ITPR1: variants seen among roughly 807,000 people sequenced by gnomAD.
The protein encoded by ITPR1 is inositol 1,4,5-trisphosphate receptor type 1.
In ITPR1, 96 loss-of-function variants were observed where a neutral mutation model predicts 318.4. The ratio of observed to expected loss-of-function variants is 0.30; its 90% CI spans 0.26 to 0.36. The LOEUF is 0.36. Ranked by LOEUF, ITPR1 falls within the 10% of genes least tolerant of loss-of-function variation. The pLI is 1.00. For synonymous variants in ITPR1, 1,312 were observed against 1,289.9 expected (o/e 1.02, Z -0.37); for missense variants, 2,440 against 3,460.2 (o/e 0.71, Z 7.40).
chr3:4,677,012 A>G (rs2094198706), intron 24 of ITPR1, among the ~76,000 whole-genome samples: 1 of 152,138 alleles, frequency 6.6e-6, no homozygotes. Context: ...CCCTCCAGCC[A>G]TGTCAAGACT....
chr3:4,764,422 G>A (rs1230413420), intron 44 of ITPR1, among the ~76,000 whole-genome samples: 1 of 152,184 alleles, frequency 6.6e-6, no homozygotes, highest in Admixed American at 6.5e-5. Flanking sequence ...TCTATTTGCT[G>A]GGCCTCTTCT....
intron 54 of ITPR1, among the ~76,000 whole-genome samples, chr3:4,801,836 C>G (rs932518107): frequency 6.6e-6 from 1 of 151,974 alleles, no homozygotes; most frequent in Non-Finnish European, 1.5e-5. Flanking sequence ...GGCCATGAAG[C>G]GGGGATTGAG....
At chr3:4,818,940 AG>A (rs1281194366) in intron 60 of ITPR1, among the ~76,000 whole-genome samples, 1 of 152,142 alleles carries the variant, frequency 6.6e-6, no homozygotes. Flanking sequence ...TAAAATGTTC[AG>A]GGGTGGATAG....
At chr3:4,694,283 A>G (rs965512653) in intron 33 of ITPR1, among the ~76,000 whole-genome samples, 1 of 136,752 alleles carries the variant, frequency 7.3e-6, no homozygotes, top group Non-Finnish European at 1.5e-5. Flanking sequence ...AAACTGGATT[A>G]TAAAGTATAT....
At chr3:4,653,110 C>A (rs1022584390) in intron 11 of ITPR1, among the ~76,000 whole-genome samples, 4 of 152,178 alleles carry the variant, frequency 2.6e-5, no homozygotes, top group Non-Finnish European at 4.4e-5. Flanking sequence ...ACATGTCGAG[C>A]TTTACTCTGA....
chr3:4,694,194 A>T (rs1209791764), intron 33 of ITPR1, among the ~76,000 whole-genome samples: 1 of 151,746 alleles, frequency 6.6e-6, no homozygotes, highest in Non-Finnish European at 1.5e-5. Context: ...AAAAAAAAAT[A>T]ATGAATACCT....
At chr3:4,627,318 G>T (rs1216378422) in intron 4 of ITPR1, among the ~76,000 whole-genome samples, 2 of 152,114 alleles carry the variant, frequency 1.3e-5, no homozygotes, top group African/African-American at 4.8e-5. Flanking sequence ...TAAAAAATTA[G>T]CCAGGCTTGG....
At chr3:4,665,775 G>A (rs572285579) in intron 17 of ITPR1, among the ~76,000 whole-genome samples, 4 of 152,166 alleles carry the variant, frequency 2.6e-5, no homozygotes, top group African/African-American at 9.6e-5. Context: ...ATTATACATA[G>A]TATATGTGTA....
chr3:4,780,923 C>T (rs73807151), intron 49 of ITPR1, among the ~76,000 whole-genome samples: 6,414 of 152,302 alleles, frequency 0.042, 467 homozygotes, highest in African/African-American at 0.15. Context: ...CTGGCACCGG[C>T]TCTTGGGCAG....
At chr3:4,555,030 T>C (rs1448008134) in intron 4 of ITPR1, among the ~76,000 whole-genome samples, 1 of 152,148 alleles carries the variant, frequency 6.6e-6, no homozygotes, top group Non-Finnish European at 1.5e-5. Flanking sequence ...ACCCGCGGAA[T>C]GTGTTTCCAT....
chr3:4,667,626 A>G (rs1473512449), intron 18 of ITPR1, 77 bp downstream of exon 18: 3 of 1,389,396 alleles, frequency 2.2e-6, no homozygotes, highest in African/African-American at 2.9e-5. Flanking sequence ...GCTTTTTACT[A>G]CGTTTCCTTG....
intron 37 of ITPR1, among the ~76,000 whole-genome samples, chr3:4,708,048 G>C (rs1208866728): frequency 6.6e-6 from 1 of 152,160 alleles, no homozygotes; most frequent in Non-Finnish European, 1.5e-5. Flanking sequence ...GAAAGATTCT[G>C]ATGAGGAAAC....
chr3:4,784,712 C>G (rs2047064338), intron 51 of ITPR1, among the ~76,000 whole-genome samples: 2 of 134,458 alleles, frequency 1.5e-5, no homozygotes, highest in African/African-American at 5.7e-5. Context: ...GAAACCCCTT[C>G]TCCACTAAAA....
intron 40 of ITPR1, among the ~76,000 whole-genome samples, chr3:4,720,565 G>A (rs921856484): frequency 1.3e-5 from 2 of 152,196 alleles, no homozygotes; most frequent in African/African-American, 4.8e-5. Flanking sequence ...GGACGTGTCT[G>A]TTTCTACGTA....
chr3:4,690,119 A>T (rs1037506572), intron 31 of ITPR1, among the ~76,000 whole-genome samples: 3 of 152,218 alleles, frequency 2.0e-5, no homozygotes, highest in African/African-American at 7.2e-5. Context: ...TCTATTAAAA[A>T]TACAAATATT....
At chr3:4,844,808 T>C (rs2051636510) in intron 61 of ITPR1, among the ~76,000 whole-genome samples, 1 of 152,224 alleles carries the variant, frequency 6.6e-6, no homozygotes, top group Admixed American at 6.5e-5. Flanking sequence ...AGTCTTCTCA[T>C]CTAAATTATA....
chr3:4,746,349 C>T (rs1271679742), intron 44 of ITPR1, among the ~76,000 whole-genome samples: 2 of 152,176 alleles, frequency 1.3e-5, no homozygotes, highest in African/African-American at 4.8e-5. Context: ...TGGTCTGGCC[C>T]CACCTGGGTT....
intron 4 of ITPR1, among the ~76,000 whole-genome samples, chr3:4,586,260 G>T (rs1358861939): frequency 2.6e-5 from 4 of 152,084 alleles, no homozygotes; most frequent in African/African-American, 9.7e-5. Context: ...TACTTTTGTT[G>T]CACCTGTTCT....
chr3:4,847,406 AAAAC>A lies in ITPR1; in HGVS notation c.*1183_*1186del, dbSNP rs1413037735. ...AGAGAATCTCTCTGCAAAAAAAAAA[AAAAC>A]AGTTTAAAAATGCATTGAAAGCAGA... On this transcript the variant is annotated 3_prime_UTR_variant, in exon 62 of 62. Coordinates refer to ENST00000649015, the MANE Select transcript of ITPR1 (RefSeq NM_001378452.1). 1 of 152,312 alleles carries A rather than the reference AAAAC, an allele frequency of 6.6e-6. No individual in the cohort carries two copies. Among genetic ancestry groups the A allele is most frequent in the Non-Finnish European group, 1.5e-5 (1 of 67,970 alleles). The allele number at this position is 152,312 out of a possible 1,614,324, so 9.4% of individuals were successfully genotyped here. A position where few individuals can be genotyped will look rare whatever the true frequency, so the allele number is the denominator to read the frequency against.
Sources: gnomAD v4.1 joint callset for allele counts (sites outside exome capture counted in the v4.1 genomes callset) on GRCh38, gnomAD v4.1.1 for gene constraint, MANE v1.5 for transcripts, NCBI Gene and HGNC (gene_info 2026-07-23, HGNC 2026-07-21) for gene names.